Variants in LTBP2 observed in about 807,000 individuals in gnomAD.
LTBP2 encodes latent-transforming growth factor beta-binding protein 2.
A neutral mutation model predicts 210.6 loss-of-function variants in LTBP2; 103 were observed. The observed-to-expected ratio is 0.49, with a 90% CI of 0.42 to 0.58. The LOEUF (loss-of-function observed/expected upper bound fraction) is 0.58, where lower values mean the gene tolerates loss of function less well. Ranked by LOEUF, LTBP2 falls within the 20% of genes least tolerant of loss-of-function variation. The pLI, the probability that LTBP2 is intolerant of heterozygous loss-of-function variation, is 0.00. For synonymous variants in LTBP2, 1,007 were observed against 1,015.0 expected (o/e 0.99, Z 0.15); for missense variants, 2,313 against 2,494.5 (o/e 0.93, Z 1.55).
chr14:74,557,373 A>T (rs1386545861), intron 3 of LTBP2, among the ~76,000 whole-genome samples: 1 of 152,222 alleles, frequency 6.6e-6, no homozygotes, highest in African/African-American at 2.4e-5. Context: ...TTGCTTTCTG[A>T]AAGGGTTGCA....
chr14:74,521,410 C>G (rs2087200393), intron 17 of LTBP2, among the ~76,000 whole-genome samples: 1 of 125,106 alleles, frequency 8.0e-6, no homozygotes, highest in Non-Finnish European at 1.7e-5. Flanking sequence ...TATCAAGGGT[C>G]CCCTGGCAGT....
rs1252485008 is a variant in LTBP2, at chr14:74,552,372, A to C, written c.1214T>G (p.Leu405Arg). Residue 405 changes from leucine to arginine, a missense_variant, in exon 6 of 36, where the codon CTG becomes CGG. By Grantham distance (102) the Leu-to-Arg change is moderately radical. This residue lies in a region of LTBP2 where 1,867 missense variants were observed against 1,976.9 expected (regional missense o/e 0.94). Transcript: ENST00000261978. Reference sequence around the variant, plus strand: ...CCTGCCGATGCAGCGGCCTCCGTTCAGGCAGGGGATCTGGCAGAAATCTGC... The same window carrying C: ...CCTGCCGATGCAGCGGCCTCCGTTCCGGCAGGGGATCTGGCAGAAATCTGC... ...FRIYFCQIPC[L>R]NGGRCIGRDE... is the part of the protein sequence containing the mutation. 1 of 1,609,074 alleles carries C rather than the reference A, an allele frequency of 6.2e-7. No individual in the cohort carries two copies. Among genetic ancestry groups the C allele is most frequent in the Non-Finnish European group, 8.5e-7 (1 of 1,180,000 alleles).
rs137854861 is a variant in LTBP2, at chr14:74,552,291, G to C, written c.1295C>G (p.Pro432Arg). The C allele has an allele frequency of 6.2e-7, 1 of 1,613,154 alleles. No individual in the cohort carries two copies. Among genetic ancestry groups the C allele is most frequent in the Admixed American group, 1.7e-5 (1 of 60,008 alleles). ...CCCTGGAGGCTCCCTGTCCGGCTGC[G>C]GGATAGGCAGGTGGCAGAACTTCCC... ...STGKFCHLPIPQPDREPPGRG... is the reference protein window; with the variant it reads ...STGKFCHLPIRQPDREPPGRG... Residue 432 changes from proline to arginine, a missense_variant, in exon 6 of 36, where the codon CCG becomes CGG. Pro to Arg is a moderately radical substitution (Grantham distance 103, BLOSUM62 -2). Coordinates refer to ENST00000261978, the MANE Select transcript of LTBP2 (RefSeq NM_000428.3).
chr14:74,556,848 AC>A (rs1465523110), intron 3 of LTBP2, among the ~76,000 whole-genome samples: 1 of 152,150 alleles, frequency 6.6e-6, no homozygotes, highest in Non-Finnish European at 1.5e-5. Flanking sequence ...GTACATCCTT[AC>A]CTATATGACT....
chr14:74,529,502 T>C (rs2087323829), intron 10 of LTBP2, among the ~76,000 whole-genome samples: 1 of 152,156 alleles, frequency 6.6e-6, no homozygotes, highest in Non-Finnish European at 1.5e-5. Flanking sequence ...ACAGCCTCCC[T>C]GGGAAGATGA....
chr14:74,561,691 A>G (rs2087796173), intron 3 of LTBP2, among the ~76,000 whole-genome samples: 1 of 152,330 alleles, frequency 6.6e-6, no homozygotes, highest in East Asian at 1.9e-4. Context: ...ATAAATCTCT[A>G]TTCTTCCCAG....
intron 8 of LTBP2, among the ~76,000 whole-genome samples, chr14:74,541,062 G>A (rs904565934): frequency 6.7e-6 from 1 of 150,060 alleles, no homozygotes; most frequent in African/African-American, 2.5e-5. Flanking sequence ...GACAGGTGAA[G>A]GCAGGTGACA....
intron 14 of LTBP2, among the ~76,000 whole-genome samples, 180 bp from the exon 15 acceptor site, chr14:74,525,405 C>A (rs1053609021): frequency 1.3e-5 from 2 of 152,220 alleles, no homozygotes; most frequent in African/African-American, 4.8e-5. Flanking sequence ...AGAGCTCTAA[C>A]AGGCGTTGGA....
chr14:74,598,960 C>T lies in LTBP2; in HGVS notation c.565+4675G>A, dbSNP rs371975765. On this transcript the variant is annotated intron_variant, in intron 2 of 35. Transcript: ENST00000261978. ...CAGAGGCATGACTCGGACAGACAGC[C>T]GACCTCATTTGTAAATGGGGATAAA... Among the ~76,000 whole-genome samples, 287 of 152,264 alleles carry T rather than the reference C, an allele frequency of 1.9e-3. 9 individuals carry two copies. The South Asian group carries it at 0.055, about 29-fold the overall frequency.
At chr14:74,528,887 C>A in intron 11 of LTBP2, 71 bp downstream of exon 11, 1 of 1,578,044 alleles carries the variant, frequency 6.3e-7, no homozygotes, top group East Asian at 2.3e-5. Context: ...GAAGTCTACC[C>A]AGGCCTGGCA....
intron 3 of LTBP2, among the ~76,000 whole-genome samples, chr14:74,556,052 T>C (rs1196472810): frequency 6.6e-6 from 1 of 152,226 alleles, no homozygotes; most frequent in Non-Finnish European, 1.5e-5. Context: ...GAACCCACTA[T>C]GGACCAGCCC....
intron 8 of LTBP2, among the ~76,000 whole-genome samples, chr14:74,536,550 C>T (rs1595260574): frequency 6.6e-6 from 1 of 152,130 alleles, no homozygotes; most frequent in East Asian, 1.9e-4. Context: ...TATTTCAGAA[C>T]AACAGTTGTG....
chr14:74,501,083 G>A (rs2086904665), intron 35 of LTBP2, 54 bp from the exon 36 acceptor site: 3 of 1,572,794 alleles, frequency 1.9e-6, no homozygotes, highest in African/African-American at 2.7e-5. Context: ...TCTGCTGGCT[G>A]CCTCCACCTC....
rs757961260 is a variant in LTBP2 at position 74,508,908 on chromosome 14, C to T, written c.3448G>A (p.Glu1150Lys). ...EDPQSSCLGG[E>K]CKNTVGSYQC... is the part of the protein sequence containing the mutation. ...TAGGAGCCCACAGTGTTCTTGCACT[C>T]GCCTCCCAGGCAGCTGCTCTGGGGG... The change falls in exon 23 of 36, where the codon GAG becomes AAG. Residue 1150 changes from glutamate (E) to lysine (K), a missense_variant. By Grantham distance (56) the Glu-to-Lys change is moderately conservative (BLOSUM62 1). Around this residue, in one of 3 missense-constraint regions of LTBP2, gnomAD observed 1,867 missense variants for 1,976.9 expected, o/e 0.94. Transcript: ENST00000261978. The T allele has an allele frequency of 4.3e-5, 69 of 1,613,640 alleles. No individual in the cohort carries two copies. In the South Asian group the frequency reaches 4.8e-4, roughly 11 times the overall value.
Position 74,599,660 on chromosome 14 carries a change from C to T in LTBP2, c.565+3975G>A, listed in dbSNP as rs1365666054. 2.6e-5 allele frequency among the ~76,000 whole-genome samples: 4 copies of T among 152,258 alleles called. No homozygotes were observed. The South Asian group carries it at 8.3e-4, about 31-fold the overall frequency. The stretch of plus-strand genomic sequence containing the variant: ...GGAGGAGATGGCGGCCCAGCTCTAG[C>T]CCCCGCCAAGGTGGAAGGAGGGGCT... On this transcript the variant is annotated intron_variant, in intron 2 of 35. Coordinates refer to ENST00000261978, the MANE Select transcript of LTBP2 (RefSeq NM_000428.3).
rs79993906 is a variant in LTBP2 at position 74,575,525 on chromosome 14, T to C, written c.830+10329A>G. On this transcript the variant is annotated intron_variant, in intron 3 of 35. Transcript: ENST00000261978. ...ATAATGTGAAGGACAACCCCTGGTG[T>C]TGTGTCCAACAGCTGAAAGGTCCAA... Among the ~76,000 whole-genome samples the C allele has an allele frequency of 6.2e-3, 945 of 152,308 alleles. 10 individuals carry two copies. Among genetic ancestry groups the C allele is most frequent in the Non-Finnish European group, 0.011 (750 of 68,026 alleles).
chr14:74,566,753 T>A (rs1595281209), intron 3 of LTBP2, among the ~76,000 whole-genome samples: 2 of 152,294 alleles, frequency 1.3e-5, no homozygotes, highest in South Asian at 4.1e-4. Context: ...CTCTCCCCCG[T>A]GTCCCCAAGG....
At chr14:74,562,382 A>G (rs1164641381) in intron 3 of LTBP2, among the ~76,000 whole-genome samples, 1 of 152,214 alleles carries the variant, frequency 6.6e-6, no homozygotes, top group East Asian at 1.9e-4. Flanking sequence ...GGTGGCAGGT[A>G]TCATGCTAAG....
intron 28 of LTBP2, 44 bp downstream of exon 28, chr14:74,506,004 T>C (rs1281657600): frequency 6.2e-7 from 1 of 1,612,032 alleles, no homozygotes. Context: ...ACGCTCTCTG[T>C]AAACCTCTGA....
Sources: allele counts gnomAD v4.1 joint callset (sites outside exome capture counted in the v4.1 genomes callset), GRCh38; gene constraint gnomAD v4.1.1; regional missense constraint gnomAD v4.1.1; transcripts MANE v1.5; gene names NCBI Gene and HGNC (gene_info 2026-07-23, HGNC 2026-07-21).